The following PVT1 variants were observed in gnomAD, a reference collection of about 807,000 sequenced individuals.
PVT1 encodes the protein CXCR4/PVT1 fusion.
At chr8:127,932,538 C>T (rs879528198) in intron 3 of PVT1, 35 of 398,484 alleles carry the variant, frequency 8.8e-5, no homozygotes, top group South Asian at 2.5e-4. Flanking sequence ...CAACTCCCCA[C>T]GCTGTGGCTG....
chr8:128,050,482 G>C (rs917998827), intron 4 of PVT1, among the ~76,000 whole-genome samples: 6 of 152,200 alleles, frequency 3.9e-5, no homozygotes, highest in Non-Finnish European at 8.8e-5. Context: ...TGGGGAATCA[G>C]TTCTGGTAAA....
intron 4 of PVT1, among the ~76,000 whole-genome samples, chr8:128,033,758 T>C (rs1813426727): frequency 6.6e-6 from 1 of 152,178 alleles, no homozygotes; most frequent in African/African-American, 2.4e-5. Flanking sequence ...CCTTGTGTAG[T>C]TGGAGCTGCT....
intron 2 of PVT1, among the ~76,000 whole-genome samples, chr8:127,851,781 T>C (rs1041851797): frequency 6.6e-6 from 1 of 152,190 alleles, no homozygotes; most frequent in Non-Finnish European, 1.5e-5. Context: ...CCATGGTTTC[T>C]CCATGCAGGA....
chr8:127,915,459 G>A (rs111858840), intron 3 of PVT1, among the ~76,000 whole-genome samples: 2,184 of 151,550 alleles, frequency 0.014, 43 homozygotes, highest in African/African-American at 0.049. Flanking sequence ...CTAAAAATAC[G>A]AAATTAGCCA....
intron 4 of PVT1, among the ~76,000 whole-genome samples, chr8:128,021,276 C>T (rs894909999): frequency 6.9e-6 from 1 of 144,980 alleles, no homozygotes; most frequent in Admixed American, 7.1e-5. Context: ...CAGTCCGATT[C>T]CCCAGGACTT....
At chr8:127,821,118 A>G (rs977000733) in intron 2 of PVT1, among the ~76,000 whole-genome samples, 1 of 152,186 alleles carries the variant, frequency 6.6e-6, no homozygotes, top group South Asian at 2.1e-4. Flanking sequence ...GCTAAGATCA[A>G]TGAAAGGTTA....
At chr8:127,992,375 ACT>A (rs1409440851) in intron 4 of PVT1, among the ~76,000 whole-genome samples, 3 of 152,192 alleles carry the variant, frequency 2.0e-5, no homozygotes, top group Non-Finnish European at 2.9e-5. Flanking sequence ...ACAGAGCAAG[ACT>A]CTGTCTCAAA....
chr8:127,826,347 T>TTCTCGTAAAAATCAGTTGTTC (rs1356056412), intron 2 of PVT1, among the ~76,000 whole-genome samples: 15 of 152,128 alleles, frequency 9.9e-5, no homozygotes, highest in Non-Finnish European at 1.6e-4. Context: ...TCCTGGTGAT[T>TTCTCGTAAAAATCAGTTGTTC]TCTCGTAAAA....
At chr8:127,806,297 C>T (rs1212973616) in intron 2 of PVT1, among the ~76,000 whole-genome samples, 3 of 152,042 alleles carry the variant, frequency 2.0e-5, no homozygotes, top group Non-Finnish European at 2.9e-5. Context: ...CTCATTTCTA[C>T]TAAAAATACA....
intron 2 of PVT1, among the ~76,000 whole-genome samples, chr8:127,801,790 C>T (rs1310690724): frequency 6.6e-6 from 1 of 152,042 alleles, no homozygotes; most frequent in Non-Finnish European, 1.5e-5. Flanking sequence ...TAGCTGTGAG[C>T]CCTATGTGGG....
At chr8:128,066,163 A>G (rs1586505162) in intron 4 of PVT1, among the ~76,000 whole-genome samples, 1 of 152,380 alleles carries the variant, frequency 6.6e-6, no homozygotes. Flanking sequence ...AAGGGGATAT[A>G]CTTAGGCCAT....
At chr8:128,042,873 C>T (rs1168563639) in intron 4 of PVT1, among the ~76,000 whole-genome samples, 3 of 152,086 alleles carry the variant, frequency 2.0e-5, no homozygotes, top group Non-Finnish European at 4.4e-5. Flanking sequence ...AGGCAATTCT[C>T]ATGCCTCAGC....
At chr8:127,939,321 A>G (rs1455456099) in intron 3 of PVT1, among the ~76,000 whole-genome samples, 1 of 152,166 alleles carries the variant, frequency 6.6e-6, no homozygotes, top group African/African-American at 2.4e-5. Context: ...GGGGCCTACG[A>G]CCGCAGATGG....
chr8:128,039,096 T>G (rs73710121), intron 4 of PVT1, among the ~76,000 whole-genome samples: 1,695 of 152,286 alleles, frequency 0.011, 35 homozygotes, highest in African/African-American at 0.038. Flanking sequence ...TGGAAGGCTT[T>G]CTTTCTTCTG....
At chr8:127,909,220 G>A (rs1320752843) in intron 3 of PVT1, among the ~76,000 whole-genome samples, 7 of 152,372 alleles carry the variant, frequency 4.6e-5, no homozygotes, top group Admixed American at 2.6e-4. Context: ...CGCAGGCCGC[G>A]TTTTTGTCCT....
chr8:127,883,085 CAG>C (rs1554594123), intron 2 of PVT1, among the ~76,000 whole-genome samples: 22 of 151,584 alleles, frequency 1.5e-4, no homozygotes, highest in Non-Finnish European at 2.5e-4. Context: ...CACACACACA[CAG>C]ACACATGCGG....
At chr8:127,921,044 A>AAGGTC (rs750425597) in intron 3 of PVT1, among the ~76,000 whole-genome samples, 17 of 152,240 alleles carry the variant, frequency 1.1e-4, no homozygotes, top group Non-Finnish European at 2.2e-4. Context: ...CTACATTTTC[A>AAGGTC]ATGAAATGAC....
At chr8:127,829,102 G>C (rs1247541724) in intron 2 of PVT1, among the ~76,000 whole-genome samples, 2 of 152,078 alleles carry the variant, frequency 1.3e-5, no homozygotes, top group African/African-American at 2.4e-5. Flanking sequence ...ATAGTGAAAT[G>C]CTGTTTCTAC....
intron 2 of PVT1, among the ~76,000 whole-genome samples, chr8:127,882,366 C>A (rs1490688105): frequency 6.6e-6 from 1 of 152,222 alleles, no homozygotes; most frequent in Non-Finnish European, 1.5e-5. Context: ...GTTAGGAAAG[C>A]CCCAGCTCCT....
Sources: gnomAD v4.1 joint callset for allele counts (sites outside exome capture counted in the v4.1 genomes callset) on GRCh38, gnomAD v4.1.1 for gene constraint, MANE v1.5 for transcripts, NCBI Gene and HGNC (gene_info 2026-07-23, HGNC 2026-07-21) for gene names.